EFR3B: variants seen among roughly 807,000 people sequenced by gnomAD.
EFR3B encodes the protein EFR3 homolog B, also known as protein EFR3 homolog B.
EFR3B carries 64 observed loss-of-function variants against 104.7 expected under a neutral mutation model. That is an observed-to-expected ratio of 0.61 (90% CI 0.50 to 0.75). The LOEUF (loss-of-function observed/expected upper bound fraction) is 0.75, where lower values mean the gene tolerates loss of function less well. Ranked by LOEUF, EFR3B falls within the 30% of genes least tolerant of loss-of-function variation. The probability of loss-of-function intolerance (pLI) is 0.00; values close to 1 mark genes in which losing one functional copy is unlikely to be tolerated. For synonymous variants in EFR3B, 385 were observed against 417.9 expected, an observed-to-expected ratio of 0.92 and a Z score of 0.96; for missense variants, 750 against 1,078.5, an observed-to-expected ratio of 0.70 and a Z score of 4.27.
intron 1 of EFR3B, among the ~76,000 whole-genome samples, chr2:25,058,768 C>A (rs1442702544): frequency 7.3e-6 from 1 of 137,176 alleles, no homozygotes; most frequent in African/African-American, 2.8e-5. Context: ...CCCCGCGCCC[C>A]CCCCCCCAAA....
chr2:25,069,832 G>C (rs1012172616), intron 1 of EFR3B, among the ~76,000 whole-genome samples: 2 of 152,178 alleles, frequency 1.3e-5, no homozygotes, highest in Non-Finnish European at 2.9e-5. Flanking sequence ...AAGTAGCTGG[G>C]ACTACAGGCA....
chr2:25,105,050 A>C (rs1266706269), intron 4 of EFR3B, among the ~76,000 whole-genome samples: 1 of 152,228 alleles, frequency 6.6e-6, no homozygotes, highest in Non-Finnish European at 1.5e-5. Context: ...TGCAGCTTAG[A>C]TACAACTATT....
intron 1 of EFR3B, among the ~76,000 whole-genome samples, chr2:25,048,015 T>C (rs769546886): frequency 2.0e-5 from 3 of 152,114 alleles, no homozygotes; most frequent in Non-Finnish European, 4.4e-5. Flanking sequence ...TTTAGACGGT[T>C]GGAACCTTTT....
At position 25,130,548 on chromosome 2, in the gene EFR3B, A is replaced by G. The variant is rs769813832; in HGVS notation, c.771-4A>G. 6.4e-7 allele frequency: 1 copy of G among 1,551,530 alleles called. No homozygotes were observed. The highest frequency in any genetic ancestry group is 1.2e-5 in the South Asian group (1 of 84,054). On this transcript the variant is annotated splice_region_variant and splice_polypyrimidine_tract_variant and intron_variant, in intron 7 of 22. Coordinates refer to ENST00000403714, the MANE Select transcript of EFR3B (RefSeq NM_014971.2). The surrounding 1 kb of genome is among the most constrained non-coding windows in gnomAD (Gnocchi z 4.6). ...GTTGTTCCCCCACGTTTTCTCCCTC[A>G]CAGCCATCTGGATAACCATTCTCTT...
chr2:25,079,366 T>C (rs369040924), intron 1 of EFR3B, among the ~76,000 whole-genome samples: 1 of 152,076 alleles, frequency 6.6e-6, no homozygotes, highest in Non-Finnish European at 1.5e-5. Context: ...TTTTGGAAAG[T>C]GATGGAAGAA....
chr2:25,088,803 C>T (rs772536791), intron 1 of EFR3B, among the ~76,000 whole-genome samples: 2 of 152,178 alleles, frequency 1.3e-5, no homozygotes, highest in Non-Finnish European at 2.9e-5. Context: ...GGCCACGCTG[C>T]CTCCCTAGCC....
intron 3 of EFR3B, among the ~76,000 whole-genome samples, chr2:25,099,340 G>A (rs1669369273): frequency 6.6e-6 from 1 of 151,994 alleles, no homozygotes. Flanking sequence ...TGGGAGCAAG[G>A]AGGAATGGTA....
intron 2 of EFR3B, among the ~76,000 whole-genome samples, chr2:25,092,775 C>T (rs1380733560): frequency 2.7e-5 from 4 of 150,770 alleles, no homozygotes; most frequent in East Asian, 4.0e-4. Context: ...GTCTCAAACT[C>T]GTGATCTGCC....
At chr2:25,125,293 C>T (rs1670132911) in intron 5 of EFR3B, among the ~76,000 whole-genome samples, 1 of 152,192 alleles carries the variant, frequency 6.6e-6, no homozygotes, top group African/African-American at 2.4e-5. Context: ...AGTTTTTCTG[C>T]CAACCAGGCG....
In EFR3B at chr2:25,136,507, T is replaced by C; in HGVS notation, c.1485-16T>C. ...CTCATGCAAGGGCTAAGGAGGCCCT[T>C]TGCATCCCTTCCCAGTACCCTCAGT... is the stretch of plus-strand genomic sequence containing the variant. On this transcript the variant is annotated splice_polypyrimidine_tract_variant and intron_variant, in intron 13 of 22. Transcript: ENST00000403714. The surrounding 1 kb of genome is among the most constrained non-coding windows in gnomAD (Gnocchi z 4.0). The C allele has an allele frequency of 6.4e-7, 1 of 1,550,720 alleles. No individual in the cohort carries two copies. Among genetic ancestry groups the C allele is most frequent in the Non-Finnish European group, 8.7e-7 (1 of 1,146,342 alleles).
chr2:25,136,473 CAGG>C lies in EFR3B; in HGVS notation c.1485-49_1485-47del. ...AAAGCTCAGTGACCCCGTGTGAGCT[CAGG>C]CTGGCCTCATGCAAGGGCTAAGGAG... On this transcript the variant is annotated intron_variant, in intron 13 of 22. Coordinates refer to ENST00000403714, the MANE Select transcript of EFR3B (RefSeq NM_014971.2). This position sits in a 1 kb window ranked among gnomAD's most constrained non-coding sequence, Gnocchi z 4.0. The C allele has an allele frequency of 6.8e-7, 1 of 1,470,250 alleles. No homozygotes were observed. Among genetic ancestry groups the C allele is most frequent in the East Asian group, 2.5e-5 (1 of 40,376 alleles). 91.1% of individuals were successfully genotyped at this position (1,470,250 alleles called of 1,614,324 possible).
intron 1 of EFR3B, among the ~76,000 whole-genome samples, chr2:25,078,454 G>A (rs1276792743): frequency 6.6e-6 from 1 of 152,200 alleles, no homozygotes; most frequent in Non-Finnish European, 1.5e-5. Context: ...GAGCAAAAAG[G>A]CATTTTTCTT....
rs1325987109 is a variant in EFR3B at position 25,131,510 on chromosome 2, G to A, written c.985+7G>A. 5 of 1,548,704 alleles carry A rather than the reference G, an allele frequency of 3.2e-6. No individual in the cohort carries two copies. In the African/African-American group the frequency reaches 5.5e-5, roughly 17 times the overall value. The stretch of plus-strand genomic sequence containing the variant: ...GCTGCCACCGGCTCTGTGGGTAAGG[G>A]GCATGGCTAGGGCCTGAGGGCCGGG... On this transcript the variant is annotated splice_region_variant and intron_variant, in intron 9 of 22. Coordinates refer to ENST00000403714, the MANE Select transcript of EFR3B (RefSeq NM_014971.2). This position sits in a 1 kb window ranked among gnomAD's most constrained non-coding sequence, Gnocchi z 7.6.
At chr2:25,057,261 C>T (rs970942398) in intron 1 of EFR3B, among the ~76,000 whole-genome samples, 3 of 152,338 alleles carry the variant, frequency 2.0e-5, no homozygotes, top group Non-Finnish European at 4.4e-5. Flanking sequence ...ATGTCCCTTT[C>T]AAGTGCTGGT....
chr2:25,087,477 G>A (rs1668986862), intron 1 of EFR3B, among the ~76,000 whole-genome samples: 1 of 148,940 alleles, frequency 6.7e-6, no homozygotes, highest in South Asian at 2.1e-4. Flanking sequence ...CTTTTGAAGA[G>A]CAGGATTTTT....
At chr2:25,068,086 C>T (rs1250019098) in intron 1 of EFR3B, among the ~76,000 whole-genome samples, 1 of 152,174 alleles carries the variant, frequency 6.6e-6, no homozygotes, top group African/African-American at 2.4e-5. Flanking sequence ...GATACCCAGA[C>T]ATGGGCTTTC....
At position 25,155,185 on chromosome 2, in the gene EFR3B, C is replaced by T. The variant is rs1671127508; in HGVS notation, c.*845C>T. 1 of 152,158 alleles carries T rather than the reference C, an allele frequency of 6.6e-6. No individual in the cohort carries two copies. Among genetic ancestry groups the T allele is most frequent in the Non-Finnish European group, 1.5e-5 (1 of 68,060 alleles). 9.4% of individuals were successfully genotyped at this position (152,158 alleles called of 1,614,324 possible). The stretch of plus-strand genomic sequence containing the variant: ...GCTTCTGGGTTGAGGAAAGGCAGAG[C>T]AAGATAATCTTGGAGGGGAACTACA... On this transcript the variant is annotated 3_prime_UTR_variant, in exon 23 of 23. Coordinates refer to ENST00000403714, the MANE Select transcript of EFR3B (RefSeq NM_014971.2).
At chr2:25,057,049 G>A (rs1214825625) in intron 1 of EFR3B, among the ~76,000 whole-genome samples, 1 of 152,174 alleles carries the variant, frequency 6.6e-6, no homozygotes, top group African/African-American at 2.4e-5. Context: ...CCCGGGGCTG[G>A]TGGTACAGCC....
chr2:25,081,660 C>T, intron 1 of EFR3B: 1 of 598,992 alleles, frequency 1.7e-6, no homozygotes. Flanking sequence ...CTGCGGCCAA[C>T]AGCTGGCTGT....
Sources: gnomAD v4.1 joint callset for allele counts (sites outside exome capture counted in the v4.1 genomes callset) on GRCh38, gnomAD v4.1.1 for gene constraint, Gnocchi (gnomAD v3.1) non-coding constraint, MANE v1.5 for transcripts, NCBI Gene and HGNC (gene_info 2026-07-23, HGNC 2026-07-21) for gene names.